The following TTLL11 variants were observed in gnomAD, a reference collection of about 807,000 sequenced individuals.
The protein encoded by TTLL11 is tubulin polyglutamylase TTLL11.
Under a neutral mutation model 51.7 loss-of-function variants are expected in TTLL11, and 42 were observed. The ratio of observed to expected loss-of-function variants is 0.81; its 90% CI spans 0.64 to 1.05. The LOEUF (loss-of-function observed/expected upper bound fraction) is 1.05, where lower values mean the gene tolerates loss of function less well. Among genes scored for constraint, TTLL11 ranks in the 50% least tolerant of loss-of-function variants. The probability of loss-of-function intolerance (pLI) is 0.00; values close to 1 mark genes in which losing one functional copy is unlikely to be tolerated. For synonymous variants in TTLL11, 381 were observed against 383.5 expected (o/e 0.99, Z 0.08); for missense variants, 799 against 940.4 (o/e 0.85, Z 1.97).
intron 1 of TTLL11, among the ~76,000 whole-genome samples, chr9:122,084,972 G>A (rs1846089027): frequency 6.6e-6 from 1 of 152,136 alleles, no homozygotes; most frequent in South Asian, 2.1e-4. Context: ...ACCAACGTAT[G>A]AGACAGGCCA....
At chr9:121,855,073 C>T (rs1564274328) in intron 8 of TTLL11, among the ~76,000 whole-genome samples, 2 of 152,004 alleles carry the variant, frequency 1.3e-5, no homozygotes, top group African/African-American at 2.4e-5. Context: ...AGGGTGCAGA[C>T]GGGGGGTTCC....
chr9:122,061,572 T>C (rs1273801771), intron 1 of TTLL11, among the ~76,000 whole-genome samples: 3 of 152,206 alleles, frequency 2.0e-5, no homozygotes, highest in African/African-American at 7.2e-5. Context: ...TGTGAAATGG[T>C]AGCTCATTGT....
intron 1 of TTLL11, among the ~76,000 whole-genome samples, chr9:122,070,977 A>T (rs190401415): frequency 6.6e-6 from 1 of 152,294 alleles, no homozygotes; most frequent in Non-Finnish European, 1.5e-5. Flanking sequence ...TCAGAGACCA[A>T]GGGCTGAGAG....
chr9:121,856,932 G>A (rs959629291), intron 8 of TTLL11, among the ~76,000 whole-genome samples: 1 of 152,220 alleles, frequency 6.6e-6, no homozygotes, highest in African/African-American at 2.4e-5. Context: ...TTGCTACTCA[G>A]TAGCTTCCTG....
At chr9:122,014,492 A>C (rs1047124294) in intron 3 of TTLL11, among the ~76,000 whole-genome samples, 1 of 151,722 alleles carries the variant, frequency 6.6e-6, no homozygotes, top group African/African-American at 2.4e-5. Flanking sequence ...CACCTTCCCC[A>C]CTCCATGTTA....
intron 3 of TTLL11, among the ~76,000 whole-genome samples, chr9:121,999,549 G>A (rs560981731): frequency 1.3e-5 from 2 of 152,084 alleles, no homozygotes; most frequent in Admixed American, 1.3e-4. Flanking sequence ...TCCCTGAATC[G>A]TCTCAGCATT....
chr9:121,989,609 G>T lies in TTLL11; in HGVS notation c.855C>A (p.Ile285=). 1 of 1,614,056 alleles carries T rather than the reference G, an allele frequency of 6.2e-7. No homozygotes were observed. Among genetic ancestry groups the T allele is most frequent in the Non-Finnish European group, 8.5e-7 (1 of 1,180,012 alleles). Residue 285 remains isoleucine (I), a synonymous_variant, in exon 4 of 9, where the codon ATC becomes ATA. Transcript: ENST00000321582. This position sits in a 1 kb window ranked among gnomAD's most constrained non-coding sequence, Gnocchi z 4.2. ...QSRPAVVQEY[I]CKPLLIDKLK... is the part of the protein sequence containing the mutation. Reference sequence around the variant, plus strand: ...GCTTGTCGATAAGGAGAGGTTTGCAGATGTACTCCTGGACCACCGCTGGCC... The same window carrying T: ...GCTTGTCGATAAGGAGAGGTTTGCATATGTACTCCTGGACCACCGCTGGCC...
rs146205847 is a variant in TTLL11, at chr9:121,860,046, C to A, written c.1840+291G>T. On this transcript the variant is annotated intron_variant, in intron 8 of 8. Transcript: ENST00000321582. ...GCCCACCCAAGGCTGGGCCCAGCATCTGCTCAGGAAATGTGTGTGAGGGGT... is the reference window on the plus strand; with the variant it reads ...GCCCACCCAAGGCTGGGCCCAGCATATGCTCAGGAAATGTGTGTGAGGGGT... 4.0e-3 allele frequency among the ~76,000 whole-genome samples: 611 copies of A among 152,340 alleles called. 5 individuals are homozygous for A. The highest frequency in any genetic ancestry group is 0.014 in the African/African-American group (588 of 41,578).
rs140435647 is a variant in TTLL11, at chr9:121,819,675, G to A, written c.*2912C>T. Among the ~76,000 whole-genome samples, 36 of 152,216 alleles carry A rather than the reference G, an allele frequency of 2.4e-4. No homozygotes were observed. The highest frequency in any genetic ancestry group is 4.0e-4 in the Non-Finnish European group (27 of 68,000). On this transcript the variant is annotated 3_prime_UTR_variant, in exon 9 of 9. Transcript: ENST00000321582. The stretch of plus-strand genomic sequence containing the variant: ...TCCTGAGGGCGCTTGCAGGGATGGG[G>A]CTTATCCTGCAGCAAAGCACAGGGG...
chr9:122,041,815 G>T (rs755773509), intron 1 of TTLL11, among the ~76,000 whole-genome samples: 11 of 151,920 alleles, frequency 7.2e-5, no homozygotes, highest in Admixed American at 2.0e-4. Flanking sequence ...TCATAGACCG[G>T]AAGAGTTAAT....
chr9:122,092,788 C>T lies in TTLL11; in HGVS notation c.361G>A (p.Gly121Ser). ...ACCGGCCGCTGGGAGCCGTTCTCGC[C>T]GGAACCGTGGCCCGAGCTCCGCTTG... ...SCKRSSGHGS[G>S]ENGSQRPVTV... is the part of the protein sequence containing the mutation. Residue 121 changes from glycine to serine, a missense_variant, in exon 1 of 9, where the codon GGC becomes AGC. Coordinates refer to ENST00000321582, the MANE Select transcript of TTLL11 (RefSeq NM_001139442.2). 6.5e-7 allele frequency: 1 copy of T among 1,541,484 alleles called. No homozygotes were observed. Among genetic ancestry groups the T allele is most frequent in the Non-Finnish European group, 8.7e-7 (1 of 1,149,556 alleles).
chr9:121,986,451 C>G (rs967932596), intron 4 of TTLL11, among the ~76,000 whole-genome samples: 3 of 152,212 alleles, frequency 2.0e-5, no homozygotes, highest in Admixed American at 1.3e-4. Flanking sequence ...ATCTCCTTGA[C>G]CCTAGCTTTT....
At chr9:121,825,547 G>A (rs1326965191) in intron 8 of TTLL11, among the ~76,000 whole-genome samples, 2 of 152,194 alleles carry the variant, frequency 1.3e-5, no homozygotes, top group African/African-American at 4.8e-5. Context: ...CAGGCGTCTT[G>A]TCCAGGACTG....
intron 6 of TTLL11, among the ~76,000 whole-genome samples, chr9:121,886,110 T>G (rs1661486280): frequency 6.6e-6 from 1 of 152,188 alleles, no homozygotes. Context: ...CAGCACCTGA[T>G]GAGTGCCACC....
intron 8 of TTLL11, among the ~76,000 whole-genome samples, chr9:121,823,517 G>A (rs1836648543): frequency 6.6e-6 from 1 of 152,166 alleles, no homozygotes. Context: ...CTGTACTCCA[G>A]CCTGGGTGAC....
At chr9:121,987,784 G>C (rs916159715) in intron 4 of TTLL11, among the ~76,000 whole-genome samples, 1 of 151,286 alleles carries the variant, frequency 6.6e-6, no homozygotes, top group Non-Finnish European at 1.5e-5. Context: ...CCCCTCCCCT[G>C]CCTTTCCCTT....
intron 3 of TTLL11, among the ~76,000 whole-genome samples, chr9:122,000,300 T>C (rs1843421371): frequency 1.3e-5 from 2 of 151,852 alleles, no homozygotes; most frequent in Admixed American, 1.3e-4. Flanking sequence ...TGAAACCCCA[T>C]CTCTACTAAA....
At chr9:122,077,092 G>A (rs756533767) in intron 1 of TTLL11, among the ~76,000 whole-genome samples, 4 of 152,088 alleles carry the variant, frequency 2.6e-5, no homozygotes, top group Non-Finnish European at 5.9e-5. Flanking sequence ...TTTCAAGAAC[G>A]AGGAGAAAAT....
intron 7 of TTLL11, among the ~76,000 whole-genome samples, chr9:121,870,235 G>A (rs766142737): frequency 4.6e-5 from 7 of 152,136 alleles, no homozygotes; most frequent in Non-Finnish European, 8.8e-5. Context: ...GCGTTTTCAG[G>A]ACTCAGCTCA....
Sources: allele counts gnomAD v4.1 joint callset (sites outside exome capture counted in the v4.1 genomes callset), GRCh38; gene constraint gnomAD v4.1.1; non-coding constraint Gnocchi (gnomAD v3.1); transcripts MANE v1.5; gene names NCBI Gene and HGNC (gene_info 2026-07-23, HGNC 2026-07-21).